Variants in PLCB3 observed in about 807,000 individuals in gnomAD.
PLCB3 encodes phospholipase C beta 3.
In PLCB3, 54 loss-of-function variants were observed where a neutral mutation model predicts 152.1. The ratio of observed to expected loss-of-function variants is 0.36; its 90% CI spans 0.29 to 0.45. The LOEUF is 0.45. Ranked by LOEUF, PLCB3 falls within the 20% of genes least tolerant of loss-of-function variation. PLCB3 has a pLI of 1.00. For synonymous variants in PLCB3, 717 were observed against 698.7 expected (o/e 1.03, Z -0.41); for missense variants, 1,248 against 1,687.5 (o/e 0.74, Z 4.56).
At position 64,266,730 on chromosome 11, in the gene PLCB3, C is replaced by T. The variant is rs2032142099; in HGVS notation, c.3414+178C>T. On this transcript the variant is annotated intron_variant, in intron 29 of 30. Transcript: ENST00000279230. This position sits in a 1 kb window ranked among gnomAD's most constrained non-coding sequence, Gnocchi z 4.9. ...CAAAGCCAACTGTCTGTACCAGTGT[C>T]CCTGGCTTTGGCGTCCTTGGGCCCA... Among the ~76,000 whole-genome samples, 1 of 152,164 alleles carries T rather than the reference C, an allele frequency of 6.6e-6. No homozygotes were observed. Among genetic ancestry groups the T allele is most frequent in the Non-Finnish European group, 1.5e-5 (1 of 68,028 alleles).
intron 19 of PLCB3, 57 bp from the exon 20 acceptor site, chr11:64,263,441 T>TGGTAGCCACAGTGGCCC: frequency 1.8e-6 from 2 of 1,097,134 alleles, no homozygotes; most frequent in East Asian, 2.6e-5. Flanking sequence ...AGCTGTGGCC[T>TGGTAGCCACAGTGGCCC]GGTAGCCACA....
At position 64,266,393 on chromosome 11, in the gene PLCB3, T is replaced by A; in HGVS notation, c.3345T>A (p.His1115Gln). 6.2e-7 allele frequency: 1 copy of A among 1,606,998 alleles called. No individual in the cohort carries two copies. Among genetic ancestry groups the A allele is most frequent in the Non-Finnish European group, 8.5e-7 (1 of 1,174,324 alleles). The change falls in exon 28 of 31, where the codon CAT becomes CAA. Residue 1115 changes from histidine (H) to glutamine (Q), a missense_variant. By Grantham distance (24) the His-to-Gln change is conservative (BLOSUM62 0). Coordinates refer to ENST00000279230, the MANE Select transcript of PLCB3 (RefSeq NM_000932.5). This position sits in a 1 kb window ranked among gnomAD's most constrained non-coding sequence, Gnocchi z 4.9. ...SISEAKMRDK[H>Q]KKEAELTEIN... is the part of the protein sequence containing the mutation. ...CGGAGGCCAAGATGAGGGACAAGCA[T>A]AAGAAGGAGGCGTAAGGGCACCGGG...
chr11:64,260,879 G>C (rs2031813509), intron 14 of PLCB3, among the ~76,000 whole-genome samples: 1 of 148,560 alleles, frequency 6.7e-6, no homozygotes, highest in Non-Finnish European at 1.5e-5. Flanking sequence ...TTAATGTTTT[G>C]TTTCCTGAAT....
At chr11:64,263,629 C>T (rs775744962) in intron 20 of PLCB3, 32 bp downstream of exon 20, 10 of 1,603,664 alleles carry the variant, frequency 6.2e-6, no homozygotes, top group Middle Eastern at 1.6e-4. Context: ...GGCAGCACAG[C>T]GGGCAGTGGG....
Position 64,265,074 on chromosome 11 carries a change from TC to T in PLCB3, c.2780del (p.Pro927LeufsTer86). ...CCGCCGGCCCCCTGGCCCCACCACC[TC>T]CCCTGCCAGCACCTCCCTCAGCAGC... ...SPRRPPGPTT[S>X]PASTSLSSPG... is the part of the protein sequence containing the mutation. On this transcript the variant is annotated frameshift_variant, in exon 23 of 31. Coordinates refer to ENST00000279230, the MANE Select transcript of PLCB3 (RefSeq NM_000932.5). LOFTEE classifies it high-confidence loss of function. 1 of 720,718 alleles carries T rather than the reference TC, an allele frequency of 1.4e-6. No individual in the cohort carries two copies. Among genetic ancestry groups the T allele is most frequent in the Non-Finnish European group, 1.7e-6 (1 of 583,586 alleles). The allele number at this position is 720,718 out of a possible 1,614,324, so 44.6% of individuals were successfully genotyped here.
chr11:64,254,943 C>T lies in PLCB3; in HGVS notation c.292C>T (p.Arg98Trp), dbSNP rs777872410. The change falls in exon 4 of 31, where the codon CGG (arginine) becomes TGG (tryptophan). Residue 98 changes from arginine (R) to tryptophan (W), a missense_variant. Arg to Trp is a moderately radical substitution (Grantham distance 101). Around this residue, in one of 6 missense-constraint regions of PLCB3, gnomAD observed 299 missense variants for 434.7 expected, o/e 0.69. Transcript: ENST00000279230. ...TCTGGGCTTTGGGGGTCCCGATGCC[C>T]GGCTGGAGGAGAAGCTGATGACGGT... ...EVLGFGGPDA[R>W]LEEKLMTVVS... 9.4e-6 allele frequency: 15 copies of T among 1,602,146 alleles called. No individual in the cohort carries two copies. The highest frequency in any genetic ancestry group is 3.4e-5 in the Admixed American group (2 of 59,056).
At chr11:64,261,362 C>A (rs540250834) in intron 14 of PLCB3, 38 bp from the exon 15 acceptor site, 1 of 1,480,482 alleles carries the variant, frequency 6.8e-7, no homozygotes, top group Non-Finnish European at 9.4e-7. Flanking sequence ...CCAGCTGTGG[C>A]GGGAATGGCA....
intron 14 of PLCB3, among the ~76,000 whole-genome samples, chr11:64,260,772 C>CAAAAAAAAA (rs10689916): frequency 2.8e-5 from 2 of 71,574 alleles, no homozygotes; most frequent in Non-Finnish European, 5.1e-5. Flanking sequence ...GACACTATCT[C>CAAAAAAAAA]AAAAAAAAAA....
rs1210978485 is a variant in PLCB3 at position 64,258,722 on chromosome 11, G to A, written c.1253+9G>A. ...GAGAACCATGTGGACTCGTGAGTGA[G>A]CCCCTGGCATGAAACCCCATGGACC... On this transcript the variant is annotated intron_variant, in intron 11 of 30. Transcript: ENST00000279230. This position sits in a 1 kb window ranked among gnomAD's most constrained non-coding sequence, Gnocchi z 7.2. The A allele has an allele frequency of 1.2e-6, 2 of 1,613,052 alleles. No homozygotes were observed. The highest frequency in any genetic ancestry group is 1.7e-6 in the Non-Finnish European group (2 of 1,179,536).
Position 64,267,107 on chromosome 11 carries a change from T to G in PLCB3, c.3415-78T>G. On this transcript the variant is annotated intron_variant, in intron 29 of 30. Transcript: ENST00000279230. This position sits in a 1 kb window ranked among gnomAD's most constrained non-coding sequence, Gnocchi z 5.2. ...CTGCACCCGGCCTCGCCCACCTGACTTCTATACCCAGCCAGAGCCTCGAGG... is the reference window on the plus strand; with the variant it reads ...CTGCACCCGGCCTCGCCCACCTGACGTCTATACCCAGCCAGAGCCTCGAGG... The G allele has an allele frequency of 7.3e-7, 1 of 1,361,672 alleles. No individual in the cohort carries two copies. Among genetic ancestry groups the G allele is most frequent in the Non-Finnish European group, 1.0e-6 (1 of 977,494 alleles). 84.3% of individuals were successfully genotyped at this position (1,361,672 alleles called of 1,614,324 possible).
chr11:64,254,770 G>C lies in PLCB3; in HGVS notation c.200G>C (p.Ser67Thr). ...CAGGAGGTGGACACACTGGACATCA[G>C]TTCCATCAGGGACACACGGACAGGC... ...PNMEVDTLDI[S>T]SIRDTRTGRY... The change falls in exon 3 of 31, where the codon AGT becomes ACT. Residue 67 changes from serine (S) to threonine (T), a missense_variant. This residue lies in a region of PLCB3 where 299 missense variants were observed against 434.7 expected (regional missense o/e 0.69). Coordinates refer to ENST00000279230, the MANE Select transcript of PLCB3 (RefSeq NM_000932.5). The C allele has an allele frequency of 6.2e-7, 1 of 1,613,432 alleles. No homozygotes were observed. The highest frequency in any genetic ancestry group is 1.1e-5 in the South Asian group (1 of 91,062).
intron 21 of PLCB3, 101 bp from the exon 22 acceptor site, chr11:64,263,920 C>A (rs2135062279): frequency 8.4e-7 from 1 of 1,194,990 alleles, no homozygotes; most frequent in Non-Finnish European, 1.2e-6. Context: ...GGGAACAGAT[C>A]TGAGGACAAG....
Position 64,264,129 on chromosome 11 carries a change from C to G in PLCB3, c.2652+17C>G, listed in dbSNP as rs1174889657. The G allele has an allele frequency of 4.7e-6, 7 of 1,503,246 alleles. No individual in the cohort carries two copies. The highest frequency in any genetic ancestry group is 6.2e-6 in the Non-Finnish European group (7 of 1,121,448). 93.1% of individuals were successfully genotyped at this position (1,503,246 alleles called of 1,614,324 possible). ...GAGAGTGAGGTGAGCCGGGGCAGGG[C>G]AGGGCTCAGGCTCACTGTGACCCAG... On this transcript the variant is annotated intron_variant, in intron 22 of 30. Transcript: ENST00000279230.
In PLCB3 at chr11:64,266,799, A is replaced by G. The variant is rs537732397; in HGVS notation, c.3414+247A>G. Among the ~76,000 whole-genome samples, 1 of 151,974 alleles carries G rather than the reference A, an allele frequency of 6.6e-6. No homozygotes were observed. Among genetic ancestry groups the G allele is most frequent in the South Asian group, 2.1e-4 (1 of 4,802 alleles). On this transcript the variant is annotated intron_variant, in intron 29 of 30. Transcript: ENST00000279230. This position sits in a 1 kb window ranked among gnomAD's most constrained non-coding sequence, Gnocchi z 4.9. ...TACATTGCCCTGGGAGCCTTCGCCCACCTGACTTCTTTTTCTTTGAGACAG... is the reference window on the plus strand; with the variant it reads ...TACATTGCCCTGGGAGCCTTCGCCCGCCTGACTTCTTTTTCTTTGAGACAG...
chr11:64,259,415 G>C lies in PLCB3; in HGVS notation c.1525+171G>C, dbSNP rs1379710457. ...ACCTGTCGGCTGGTGTGGGGCCTCT[G>C]ACCCCTGACCTCAGGTGCACGTCTC... On this transcript the variant is annotated intron_variant, in intron 13 of 30. Transcript: ENST00000279230. 3.3e-5 allele frequency among the ~76,000 whole-genome samples: 5 copies of C among 152,082 alleles called. No individual in the cohort carries two copies. The East Asian group carries it at 9.6e-4, about 29-fold the overall frequency.
chr11:64,257,016 T>TTTTTTTTTTTTTTTTC lies in PLCB3; in HGVS notation c.1012+257_1012+258insTTTTTTTTTTCTTTTT, dbSNP rs771872374. ...AGGGTCCTTTTTTTTTTTTTTTTTT[T>TTTTTTTTTTTTTTTTC]TTTTTGAGACAGAGTTTCGCTCTTG... On this transcript the variant is annotated intron_variant, in intron 10 of 30. Transcript: ENST00000279230. 2.4e-4 allele frequency among the ~76,000 whole-genome samples: 29 copies of TTTTTTTTTTTTTTTTC among 120,678 alleles called. 2 individuals carry two copies. The highest frequency in any genetic ancestry group is 3.7e-4 in the Non-Finnish European group (21 of 57,100). The allele number at this position is 120,678 out of a possible 152,430, so 79.2% of individuals were successfully genotyped here. A position where few individuals can be genotyped will look rare whatever the true frequency, so the allele number is the denominator to read the frequency against.
At position 64,262,536 on chromosome 11, in the gene PLCB3, T is replaced by G; in HGVS notation, c.2168T>G (p.Ile723Ser). The change falls in exon 18 of 31, where the codon ATC becomes AGC. Residue 723 changes from isoleucine to serine, a missense_variant. By Grantham distance (142) the Ile-to-Ser change is moderately radical. Transcript: ENST00000279230. ...TTCACTGAGGTCATCGTGGATGGCA[T>G]CGTGGCCAATGCCTTGCGGGTCAAG... is the stretch of plus-strand genomic sequence containing the variant. ...DPFTEVIVDGIVANALRVKVI... is the reference protein window; with the variant it reads ...DPFTEVIVDGSVANALRVKVI... 6.2e-7 allele frequency: 1 copy of G among 1,613,928 alleles called. No individual in the cohort carries two copies. Among genetic ancestry groups the G allele is most frequent in the Non-Finnish European group, 8.5e-7 (1 of 1,179,978 alleles).
chr11:64,265,965 G>A lies in PLCB3; in HGVS notation c.3115G>A (p.Val1039Met), dbSNP rs775148939. 15 of 1,613,926 alleles carry A rather than the reference G, an allele frequency of 9.3e-6. No individual in the cohort carries two copies. The East Asian group carries it at 2.7e-4, about 29-fold the overall frequency. The change falls in exon 26 of 31, where the codon GTG becomes ATG. Residue 1039 changes from valine (V) to methionine (M), a missense_variant. Coordinates refer to ENST00000279230, the MANE Select transcript of PLCB3 (RefSeq NM_000932.5). ...KRYQEFQNRQVQSLLELREAQ... is the reference protein window; with the variant it reads ...KRYQEFQNRQMQSLLELREAQ... Reference sequence around the variant, plus strand: ...GTATCAGGAGTTCCAGAACAGACAGGTGCAGAGCCTGCTGGAGCTGCGGGA... The same window carrying A: ...GTATCAGGAGTTCCAGAACAGACAGATGCAGAGCCTGCTGGAGCTGCGGGA...
Position 64,263,342 on chromosome 11 carries a change from C to A in PLCB3, c.2356-156C>A, listed in dbSNP as rs2031949618. The A allele has an allele frequency of 5.0e-6, 3 of 595,668 alleles. No homozygotes were observed. In the African/African-American group the frequency reaches 5.6e-5, roughly 11 times the overall value. 36.9% of individuals were successfully genotyped at this position (595,668 alleles called of 1,614,324 possible). A position where few individuals can be genotyped will look rare whatever the true frequency, so the allele number is the denominator to read the frequency against. On this transcript the variant is annotated intron_variant, in intron 19 of 30. Coordinates refer to ENST00000279230, the MANE Select transcript of PLCB3 (RefSeq NM_000932.5). ...TTAGGCCAGGACATGGAAGTGGGGTCAGCCATCAGCTTAGTGGCAATGGTG... is the reference window on the plus strand; with the variant it reads ...TTAGGCCAGGACATGGAAGTGGGGTAAGCCATCAGCTTAGTGGCAATGGTG...
Sources: allele counts gnomAD v4.1 joint callset (sites outside exome capture counted in the v4.1 genomes callset), GRCh38; gene constraint gnomAD v4.1.1; regional missense constraint gnomAD v4.1.1; non-coding constraint Gnocchi (gnomAD v3.1); transcripts MANE v1.5; gene names NCBI Gene and HGNC (gene_info 2026-07-23, HGNC 2026-07-21).